The following WNT9A variants were observed in gnomAD, a reference collection of about 807,000 sequenced individuals.
WNT9A encodes Wnt family member 9A.
Under a neutral mutation model 31.4 loss-of-function variants are expected in WNT9A, and 8 were observed. The observed-to-expected ratio is 0.26, with a 90% confidence interval of 0.15 to 0.46. The LOEUF (loss-of-function observed/expected upper bound fraction) is 0.46, where lower values mean the gene tolerates loss of function less well. Ranked by LOEUF, WNT9A falls within the 20% of genes least tolerant of loss-of-function variation. The probability of loss-of-function intolerance (pLI) is 0.99; values close to 1 mark genes in which losing one functional copy is unlikely to be tolerated. For synonymous variants in WNT9A, 236 were observed against 220.1 expected (o/e 1.07, Z -0.64); for missense variants, 457 against 522.9 (o/e 0.87, Z 1.23).
In WNT9A at chr1:227,919,775, C is replaced by G. The variant is rs1376913374; in HGVS notation, c.*1743G>C. 2 of 148,502 alleles carry G rather than the reference C, an allele frequency of 1.3e-5. No homozygotes were observed. Among genetic ancestry groups the G allele is most frequent in the Admixed American group, 6.8e-5 (1 of 14,632 alleles). 9.2% of individuals were successfully genotyped at this position (148,502 alleles called of 1,614,324 possible). A position where few individuals can be genotyped will look rare whatever the true frequency, so the allele number is the denominator to read the frequency against. Reference sequence around the variant, plus strand: ...CACACGCTTACACACATTGACCACGCCAGCACACACGCACTCACAACACTC... The same window carrying G: ...CACACGCTTACACACATTGACCACGGCAGCACACACGCACTCACAACACTC... On this transcript the variant is annotated 3_prime_UTR_variant, in exon 4 of 4. Coordinates refer to ENST00000272164, the MANE Select transcript of WNT9A (RefSeq NM_003395.4).
chr1:227,938,364 C>T (rs1239508445), intron 1 of WNT9A, among the ~76,000 whole-genome samples: 1 of 151,198 alleles, frequency 6.6e-6, no homozygotes. Context: ...CACGCATACA[C>T]ACGTACAGGA....
intron 1 of WNT9A, among the ~76,000 whole-genome samples, chr1:227,941,113 G>A (rs114394244): frequency 0.013 from 2,028 of 152,364 alleles, 58 homozygotes; most frequent in African/African-American, 0.046. Flanking sequence ...GGTCTGCACT[G>A]CACTACGTCT....
At position 227,926,318 on chromosome 1, in the gene WNT9A, C is replaced by T. The variant is rs1286353625; in HGVS notation, c.96-799G>A. Among the ~76,000 whole-genome samples the T allele has an allele frequency of 6.6e-6, 1 of 152,140 alleles. No individual in the cohort carries two copies. The highest frequency in any genetic ancestry group is 2.1e-4 in the South Asian group (1 of 4,830). Reference sequence around the variant, plus strand: ...ACTGAGGACGCATCCCCAACCTCAACTGCTCCAGGAACCCGGCTCCACCCC... The same window carrying T: ...ACTGAGGACGCATCCCCAACCTCAATTGCTCCAGGAACCCGGCTCCACCCC... On this transcript the variant is annotated intron_variant, in intron 1 of 3. Transcript: ENST00000272164. This position sits in a 1 kb window ranked among gnomAD's most constrained non-coding sequence, Gnocchi z 5.0.
At chr1:227,935,474 T>C (rs551150174) in intron 1 of WNT9A, among the ~76,000 whole-genome samples, 18 of 152,208 alleles carry the variant, frequency 1.2e-4, no homozygotes, top group Non-Finnish European at 2.2e-4. Flanking sequence ...CTCTCCTCCT[T>C]CTTCTCTCGA....
At chr1:227,939,233 G>A (rs1044395868) in intron 1 of WNT9A, among the ~76,000 whole-genome samples, 4 of 152,244 alleles carry the variant, frequency 2.6e-5, no homozygotes, top group Non-Finnish European at 4.4e-5. Context: ...GAACCACGGG[G>A]GAGGTGGCTC....
At chr1:227,941,930 C>T (rs1301303894) in intron 1 of WNT9A, among the ~76,000 whole-genome samples, 1 of 152,126 alleles carries the variant, frequency 6.6e-6, no homozygotes, top group African/African-American at 2.4e-5. Context: ...CGCTTTCCCG[C>T]AGCCCCCACC....
At chr1:227,940,847 C>T (rs901413029) in intron 1 of WNT9A, among the ~76,000 whole-genome samples, 1 of 152,258 alleles carries the variant, frequency 6.6e-6, no homozygotes, top group African/African-American at 2.4e-5. Context: ...GGGCAACAGG[C>T]TCCTGGGAGG....
At position 227,942,625 on chromosome 1, in the gene WNT9A, A is replaced by C. The variant is rs1666725720; in HGVS notation, c.95+5168T>G. On this transcript the variant is annotated intron_variant, in intron 1 of 3. Coordinates refer to ENST00000272164, the MANE Select transcript of WNT9A (RefSeq NM_003395.4). This position sits in a 1 kb window ranked among gnomAD's most constrained non-coding sequence, Gnocchi z 5.7. ...TCTGCCCCACTGAGCCACTTCCACG[A>C]TCTCTCGAAACAAGGCAGCTCCCTG... Among the ~76,000 whole-genome samples the C allele has an allele frequency of 6.6e-6, 1 of 151,822 alleles. No individual in the cohort carries two copies. Among genetic ancestry groups the C allele is most frequent in the Non-Finnish European group, 1.5e-5 (1 of 67,948 alleles).
intron 1 of WNT9A, among the ~76,000 whole-genome samples, chr1:227,929,369 C>T (rs1666471552): frequency 6.6e-6 from 1 of 152,246 alleles, no homozygotes; most frequent in Non-Finnish European, 1.5e-5. Flanking sequence ...TCTTCCACGG[C>T]TGGAATTCCA....
chr1:227,923,970 C>T (rs1292258320), intron 3 of WNT9A, among the ~76,000 whole-genome samples, 168 bp downstream of exon 3: 1 of 152,094 alleles, frequency 6.6e-6, no homozygotes, highest in Non-Finnish European at 1.5e-5. Flanking sequence ...CGAGAGGCTC[C>T]AGGACCATGA....
intron 1 of WNT9A, among the ~76,000 whole-genome samples, chr1:227,944,434 A>G (rs1666763952): frequency 6.6e-6 from 1 of 152,230 alleles, no homozygotes; most frequent in Non-Finnish European, 1.5e-5. Flanking sequence ...GGAATTAAAC[A>G]GTGGTGAGAG....
chr1:227,938,560 G>C (rs1666637726), intron 1 of WNT9A, among the ~76,000 whole-genome samples: 1 of 151,734 alleles, frequency 6.6e-6, no homozygotes, highest in South Asian at 2.1e-4. Flanking sequence ...TAAACCGATA[G>C]AGATGCACGC....
chr1:227,936,982 G>A (rs373004495), intron 1 of WNT9A, among the ~76,000 whole-genome samples: 4 of 152,074 alleles, frequency 2.6e-5, no homozygotes, highest in Admixed American at 6.6e-5. Flanking sequence ...TGGCCTCCCC[G>A]TGTCACCGAG....
chr1:227,931,738 C>G (rs1345549303), intron 1 of WNT9A, among the ~76,000 whole-genome samples: 2 of 152,214 alleles, frequency 1.3e-5, no homozygotes, highest in African/African-American at 4.8e-5. Flanking sequence ...GTTAAAAACA[C>G]TGGACTGCTA....
In WNT9A at chr1:227,924,545, G is replaced by C. The variant is rs1666384212; in HGVS notation, c.353-145C>G. ...GGTGCTGCACTCGGGACAGGGTGTG[G>C]GTGTGCCCTGGCCACCACAGGGTAG... is the stretch of plus-strand genomic sequence containing the variant. On this transcript the variant is annotated intron_variant, in intron 2 of 3. Coordinates refer to ENST00000272164, the MANE Select transcript of WNT9A (RefSeq NM_003395.4). 1.1e-5 allele frequency: 14 copies of C among 1,267,112 alleles called. No homozygotes were observed. The East Asian group carries it at 3.3e-4, about 30-fold the overall frequency. The allele number at this position is 1,267,112 out of a possible 1,614,324, so 78.5% of individuals were successfully genotyped here. A position where few individuals can be genotyped will look rare whatever the true frequency, so the allele number is the denominator to read the frequency against.
intron 1 of WNT9A, among the ~76,000 whole-genome samples, chr1:227,940,778 G>A (rs1292457652): frequency 6.6e-6 from 1 of 152,238 alleles, no homozygotes; most frequent in African/African-American, 2.4e-5. Context: ...ACTGCCAGCT[G>A]GACAGCTGGG....
chr1:227,929,092 A>T (rs922290409), intron 1 of WNT9A, among the ~76,000 whole-genome samples: 5 of 152,144 alleles, frequency 3.3e-5, no homozygotes, highest in Admixed American at 3.3e-4. Flanking sequence ...GTATAAACCT[A>T]CAGGCCAAGG....
Position 227,944,804 on chromosome 1 carries a change from ATGTT to A in WNT9A, c.95+2985_95+2988del, listed in dbSNP as rs538910544. On this transcript the variant is annotated intron_variant, in intron 1 of 3. Transcript: ENST00000272164. Reference sequence around the variant, plus strand: ...CGTGCCCCCGCAAAGTAACCTGCAAATGTTTCCTGAGTGATGTAAACTGCAAGGG... The same window carrying A: ...CGTGCCCCCGCAAAGTAACCTGCAAATCCTGAGTGATGTAAACTGCAAGGG... Among the ~76,000 whole-genome samples, 3 of 152,266 alleles carry A rather than the reference ATGTT, an allele frequency of 2.0e-5. No individual in the cohort carries two copies. The East Asian group carries it at 5.8e-4, about 30-fold the overall frequency.
At chr1:227,939,324 T>A (rs1666654154) in intron 1 of WNT9A, among the ~76,000 whole-genome samples, 1 of 152,188 alleles carries the variant, frequency 6.6e-6, no homozygotes, top group South Asian at 2.1e-4. Context: ...AGAAGCTCCG[T>A]GGAGACCATT....
Sources: allele counts gnomAD v4.1 joint callset (sites outside exome capture counted in the v4.1 genomes callset), GRCh38; gene constraint gnomAD v4.1.1; non-coding constraint Gnocchi (gnomAD v3.1); transcripts MANE v1.5; gene names NCBI Gene and HGNC (gene_info 2026-07-23, HGNC 2026-07-21).